ZMYM2: variants seen among roughly 807,000 people sequenced by gnomAD.
ZMYM2 encodes zinc finger MYM-type containing 2.
In ZMYM2, 56 loss-of-function variants were observed where a neutral mutation model predicts 162.8. That is an observed-to-expected ratio of 0.34 (90% CI 0.28 to 0.43). ZMYM2 has a LOEUF of 0.43. ZMYM2 is among the 20% of genes least tolerant of loss of function. The pLI is 1.00. For missense variants in ZMYM2, 1,275 were observed against 1,621.8 expected, an observed-to-expected ratio of 0.79 and a Z score of 3.67; for synonymous variants, 510 against 541.6, an observed-to-expected ratio of 0.94 and a Z score of 0.81.
chr13:20,046,605 GTGTATATATA>G lies in ZMYM2; in HGVS notation c.2293-4824_2293-4815del, dbSNP rs751989301. Among the ~76,000 whole-genome samples the G allele has an allele frequency of 3.4e-3, 352 of 102,680 alleles. 2 individuals are homozygous for G. Among genetic ancestry groups the G allele is most frequent in the South Asian group, 0.011 (38 of 3,570 alleles). 67.4% of individuals were successfully genotyped at this position (102,680 alleles called of 152,430 possible). On this transcript the variant is annotated intron_variant, in intron 12 of 24. Transcript: ENST00000610343. ...TATGTGTGTGTGTGTGTGTGTGTGT[GTGTATATATA>G]TGTGTATATATATGTGTATATATAT...
At chr13:20,056,408 G>A (rs1955798553) in intron 14 of ZMYM2, among the ~76,000 whole-genome samples, 1 of 152,176 alleles carries the variant, frequency 6.6e-6, no homozygotes, top group African/African-American at 2.4e-5. Flanking sequence ...CCATCCCAAT[G>A]TAGGAGTTCT....
At position 19,983,147 on chromosome 13, in the gene ZMYM2, CT is replaced by C. The variant is rs536615645; in HGVS notation, c.-10-9901del. ...GTATATAATATTTTCCCCACTTTCA[CT>C]TTTTTTTTTTTTTTGAGACGGAGTC... is the stretch of plus-strand genomic sequence containing the variant. On this transcript the variant is annotated intron_variant, in intron 2 of 24. Transcript: ENST00000610343. Among the ~76,000 whole-genome samples, 1,020 of 141,918 alleles carry C rather than the reference CT, an allele frequency of 7.2e-3. 4 individuals are homozygous for C. The highest frequency in any genetic ancestry group is 0.011 in the Non-Finnish European group (703 of 64,978). 93.1% of individuals were successfully genotyped at this position (141,918 alleles called of 152,430 possible). A position where few individuals can be genotyped will look rare whatever the true frequency, so the allele number is the denominator to read the frequency against.
At chr13:20,013,642 A>G (rs920218048) in intron 6 of ZMYM2, among the ~76,000 whole-genome samples, 4 of 152,100 alleles carry the variant, frequency 2.6e-5, no homozygotes, top group Non-Finnish European at 5.9e-5. Flanking sequence ...TAATCATAAA[A>G]AGGTGTTGAA....
chr13:19,950,765 A>G, the ZMYM2 span, among the ~76,000 whole-genome samples: 1 of 152,230 alleles, frequency 6.6e-6, no homozygotes, highest in Non-Finnish European at 1.5e-5. Context: ...GAAATTCACT[A>G]AATAACGGTT....
At chr13:20,071,841 C>T (rs1957109419) in intron 21 of ZMYM2, 1 of 185,452 alleles carries the variant, frequency 5.4e-6, no homozygotes, top group South Asian at 1.9e-4. Flanking sequence ...TTCAAACAGT[C>T]ATGCTGCCCT....
At chr13:19,976,340 G>A (rs1445335866) in intron 2 of ZMYM2, among the ~76,000 whole-genome samples, 1 of 148,568 alleles carries the variant, frequency 6.7e-6, no homozygotes, top group South Asian at 2.1e-4. Context: ...AAAAAAAAAA[G>A]AAAGAAAGAA....
intron 2 of ZMYM2, among the ~76,000 whole-genome samples, chr13:19,983,555 T>C (rs1957548229): frequency 6.6e-6 from 1 of 152,238 alleles, no homozygotes; most frequent in Non-Finnish European, 1.5e-5. Flanking sequence ...TATTCTTGAC[T>C]TTAATGATAA....
the ZMYM2 span, among the ~76,000 whole-genome samples, chr13:19,918,698 C>A: frequency 1.5e-4 from 23 of 151,836 alleles, no homozygotes; most frequent in African/African-American, 4.3e-4. Flanking sequence ...CAGGTTTCAT[C>A]ATATAGGTCA....
chr13:19,891,840 C>T, the ZMYM2 span, among the ~76,000 whole-genome samples: 2 of 151,982 alleles, frequency 1.3e-5, no homozygotes, highest in South Asian at 2.1e-4. Flanking sequence ...CTGTAGGACA[C>T]TGACTGATTT....
At chr13:19,913,554 G>A in the ZMYM2 span, among the ~76,000 whole-genome samples, 4 of 152,072 alleles carry the variant, frequency 2.6e-5, no homozygotes, top group Admixed American at 1.3e-4. Context: ...GTGAGACCCC[G>A]TCTCTACTAA....
rs181804930 is a variant in ZMYM2 at position 19,994,376 on chromosome 13, A to G, written c.847+457A>G. Among the ~76,000 whole-genome samples the G allele has an allele frequency of 3.9e-3, 596 of 152,356 alleles. 3 individuals are homozygous for G. The highest frequency in any genetic ancestry group is 0.014 in the African/African-American group (568 of 41,586). The stretch of plus-strand genomic sequence containing the variant: ...GTGATAATTTAATATCTTGTTTGTC[A>G]TGCATTACTTTTTGCTAATAGAATT... On this transcript the variant is annotated intron_variant, in intron 3 of 24. Transcript: ENST00000610343.
chr13:19,970,198 T>C (rs58935312), intron 2 of ZMYM2: 1 of 338,278 alleles, frequency 3.0e-6, no homozygotes, highest in East Asian at 1.7e-4. Context: ...AATAAATGAA[T>C]GTTTGATGAT....
At chr13:20,010,697 G>C (rs1170340996) in intron 6 of ZMYM2, among the ~76,000 whole-genome samples, 1 of 152,076 alleles carries the variant, frequency 6.6e-6, no homozygotes, top group African/African-American at 2.4e-5. Flanking sequence ...CTGGAGTGCA[G>C]CAGCGAGATC....
At chr13:20,053,038 G>A (rs770864838) in intron 14 of ZMYM2, among the ~76,000 whole-genome samples, 21 of 151,994 alleles carry the variant, frequency 1.4e-4, no homozygotes, top group Non-Finnish European at 2.4e-4. Context: ...CTACACTTTT[G>A]TTAGCATTTT....
the ZMYM2 span, among the ~76,000 whole-genome samples, chr13:19,883,089 G>A: frequency 6.6e-6 from 1 of 152,130 alleles, no homozygotes; most frequent in East Asian, 1.9e-4. Flanking sequence ...AAGTATTTAT[G>A]TATGCTACAA....
chr13:20,022,044 A>C (rs948887859), intron 7 of ZMYM2, among the ~76,000 whole-genome samples: 1 of 152,142 alleles, frequency 6.6e-6, no homozygotes, highest in Non-Finnish European at 1.5e-5. Context: ...TGGCAGCCAC[A>C]GGACTCACTT....
At chr13:19,944,483 TA>T in the ZMYM2 span, among the ~76,000 whole-genome samples, 5 of 151,376 alleles carry the variant, frequency 3.3e-5, no homozygotes, top group Admixed American at 1.3e-4. Flanking sequence ...AATGTTGAAT[TA>T]AAAAAAAAGT....
At chr13:19,975,843 T>A (rs991938518) in intron 2 of ZMYM2, among the ~76,000 whole-genome samples, 4 of 150,784 alleles carry the variant, frequency 2.7e-5, no homozygotes, top group East Asian at 2.0e-4. Context: ...TTTTTTAAAA[T>A]TTTTCCTCCA....
chr13:19,899,109 C>T, the ZMYM2 span, among the ~76,000 whole-genome samples: 1 of 151,750 alleles, frequency 6.6e-6, no homozygotes, highest in Non-Finnish European at 1.5e-5. Flanking sequence ...CGTGCCACCA[C>T]ACGGGGGTAA....
Sources: gnomAD v4.1 joint callset for allele counts (sites outside exome capture counted in the v4.1 genomes callset) on GRCh38, gnomAD v4.1.1 for gene constraint, MANE v1.5 for transcripts, NCBI Gene and HGNC (gene_info 2026-07-23, HGNC 2026-07-21) for gene names.